The following CATSPERE variants were observed in gnomAD, a reference collection of about 807,000 sequenced individuals.
CATSPERE encodes the protein catsper channel auxiliary subunit epsilon.
CATSPERE carries 93 observed loss-of-function variants against 114.1 expected under a neutral mutation model. That is an observed-to-expected ratio of 0.81 (90% confidence interval 0.69 to 0.97). The LOEUF (loss-of-function observed/expected upper bound fraction) is 0.97, where lower values mean the gene tolerates loss of function less well. Ranked by LOEUF, CATSPERE falls within the 50% of genes least tolerant of loss-of-function variation. CATSPERE has a pLI of 0.00. For missense variants in CATSPERE, 1,058 were observed against 1,131.6 expected (o/e 0.93, Z 0.93); for synonymous variants, 341 against 384.1 (o/e 0.89, Z 1.31).
chr1:244,467,342 C>CA (rs1398483840), intron 2 of CATSPERE, among the ~76,000 whole-genome samples: 2 of 151,736 alleles, frequency 1.3e-5, no homozygotes, highest in Admixed American at 6.6e-5. Flanking sequence ...GGATATTTCA[C>CA]AAAAAAGGAT....
chr1:244,451,577 G>C (rs758856248), upstream of CATSPERE: 11 of 1,529,778 alleles, frequency 7.2e-6, no homozygotes, highest in Admixed American at 6.1e-5. The surrounding 1 kb of genome is among the most constrained non-coding windows in gnomAD (Gnocchi z 6.6). Flanking sequence ...CGGGCACCAG[G>C]AGCCAGGCAG....
chr1:244,615,962 A>AG (rs1671332102), intron 19 of CATSPERE, among the ~76,000 whole-genome samples: 1 of 151,118 alleles, frequency 6.6e-6, no homozygotes, highest in Non-Finnish European at 1.5e-5. Context: ...AAAAAAAAAA[A>AG]AAAAAAAAAG....
intron 6 of CATSPERE, among the ~76,000 whole-genome samples, chr1:244,494,279 A>G (rs1173847649): frequency 6.6e-6 from 1 of 152,044 alleles, no homozygotes; most frequent in Non-Finnish European, 1.5e-5. Context: ...GCCATAAAAA[A>G]TGAAGAATTC....
intron 6 of CATSPERE, among the ~76,000 whole-genome samples, chr1:244,494,343 A>G (rs1218349339): frequency 2.6e-5 from 4 of 151,488 alleles, no homozygotes; most frequent in Middle Eastern, 3.4e-3. Context: ...TCAGCAAACT[A>G]TCACAAGGAC....
At chr1:244,519,409 C>T (rs141258160) in intron 8 of CATSPERE, among the ~76,000 whole-genome samples, 3 of 152,314 alleles carry the variant, frequency 2.0e-5, no homozygotes, top group African/African-American at 7.2e-5. Context: ...AGCAGGTCCT[C>T]AAATAATGTT....
chr1:244,452,681 A>G (rs995185527), upstream of CATSPERE, among the ~76,000 whole-genome samples: 3 of 152,188 alleles, frequency 2.0e-5, no homozygotes, highest in Non-Finnish European at 4.4e-5. Context: ...CCCCACAACC[A>G]TATAAGGTAG....
At chr1:244,476,516 G>T (rs1669376926) in intron 2 of CATSPERE, among the ~76,000 whole-genome samples, 1 of 152,072 alleles carries the variant, frequency 6.6e-6, no homozygotes, top group South Asian at 2.1e-4. Flanking sequence ...ATCTTCTCAT[G>T]AATTTTTCTC....
chr1:244,475,469 A>G (rs1669170823), intron 2 of CATSPERE, among the ~76,000 whole-genome samples: 1 of 150,988 alleles, frequency 6.6e-6, no homozygotes. Flanking sequence ...CCTGGCCTCA[A>G]GTGAGCTACC....
intron 8 of CATSPERE, among the ~76,000 whole-genome samples, chr1:244,538,158 T>A (rs538363894): frequency 1.3e-5 from 2 of 152,312 alleles, no homozygotes; most frequent in East Asian, 3.9e-4. Flanking sequence ...CCCCCATCTC[T>A]TATTTTTAAA....
Position 244,618,264 on chromosome 1 carries a change from G to A in CATSPERE, c.2648+578G>A, listed in dbSNP as rs998957711. 1.3e-4 allele frequency among the ~76,000 whole-genome samples: 20 copies of A among 152,260 alleles called. No individual in the cohort carries two copies. In the Middle Eastern group the frequency reaches 0.01, roughly 78 times the overall value. ...GGAGCTAAACGTTAGCAAAAGGTTAGCATATTGTCTATGGCTTGTGGAGTC... is the reference window on the plus strand; with the variant it reads ...GGAGCTAAACGTTAGCAAAAGGTTAACATATTGTCTATGGCTTGTGGAGTC... On this transcript the variant is annotated intron_variant, in intron 20 of 21. Transcript: ENST00000366534.
intron 17 of CATSPERE, among the ~76,000 whole-genome samples, chr1:244,594,156 C>CAA (rs1668078770): frequency 1.3e-5 from 2 of 151,962 alleles, no homozygotes. Context: ...CCTGTCGTTA[C>CAA]AAAAATTAAA....
At chr1:244,526,901 C>T (rs955679543) in intron 8 of CATSPERE, among the ~76,000 whole-genome samples, 3 of 151,928 alleles carry the variant, frequency 2.0e-5, no homozygotes, top group African/African-American at 7.3e-5. Context: ...TCCGTGATGC[C>T]CCCCAAGCCA....
At chr1:244,539,230 T>C (rs1240077899) in intron 8 of CATSPERE, among the ~76,000 whole-genome samples, 1 of 151,280 alleles carries the variant, frequency 6.6e-6, no homozygotes, top group African/African-American at 2.4e-5. Context: ...ATTGAGATAA[T>C]CGTGTGGTTT....
chr1:244,621,133 A>T (rs1672169983), intron 20 of CATSPERE, among the ~76,000 whole-genome samples: 2 of 34,476 alleles, frequency 5.8e-5, no homozygotes, highest in African/African-American at 8.9e-5. Context: ...ATATAAATAT[A>T]TATAAAATAT....
intron 11 of CATSPERE, among the ~76,000 whole-genome samples, chr1:244,578,717 G>GTATA (rs199992325): frequency 1.4e-5 from 2 of 141,580 alleles, no homozygotes; most frequent in Admixed American, 7.1e-5. Flanking sequence ...ATATATACAG[G>GTATA]TATATATATA....
intron 7 of CATSPERE, among the ~76,000 whole-genome samples, chr1:244,513,072 G>T (rs1676027880): frequency 6.6e-6 from 1 of 151,980 alleles, no homozygotes; most frequent in Admixed American, 6.6e-5. Flanking sequence ...CAGGTGGCTT[G>T]CTTGAGTGCT....
At chr1:244,632,455 C>A (rs1674086738) in intron 20 of CATSPERE, among the ~76,000 whole-genome samples, 1 of 146,524 alleles carries the variant, frequency 6.8e-6, no homozygotes, top group African/African-American at 2.5e-5. Context: ...GGGTTTATAA[C>A]ATGTAATAAA....
chr1:244,574,374 A>C (rs1664925130), intron 11 of CATSPERE, among the ~76,000 whole-genome samples: 1 of 152,252 alleles, frequency 6.6e-6, no homozygotes, highest in Non-Finnish European at 1.5e-5. Flanking sequence ...AAGAGTTATT[A>C]GCACAAAGTA....
chr1:244,552,960 A>G (rs896028795), intron 9 of CATSPERE, 146 bp downstream of exon 9: 1 of 324,914 alleles, frequency 3.1e-6, no homozygotes, highest in African/African-American at 2.2e-5. Flanking sequence ...GCTCTAACTC[A>G]ACTTCTCAGA....
Sources: gnomAD v4.1 joint callset for allele counts (sites outside exome capture counted in the v4.1 genomes callset) on GRCh38, gnomAD v4.1.1 for gene constraint, Gnocchi (gnomAD v3.1) non-coding constraint, MANE v1.5 for transcripts, NCBI Gene and HGNC (gene_info 2026-07-23, HGNC 2026-07-21) for gene names.